Variants in LRRC4C observed in about 807,000 individuals in gnomAD.
LRRC4C encodes the protein leucine-rich repeat-containing protein 4C.
Under a neutral mutation model 33.6 loss-of-function variants are expected in LRRC4C, and 5 were observed. That is an observed-to-expected ratio of 0.15 (90% CI 0.08 to 0.31). The LOEUF is 0.31. Among genes scored for constraint, LRRC4C ranks in the 10% least tolerant of loss-of-function variants. The probability of loss-of-function intolerance (pLI) is 1.00; values close to 1 mark genes in which losing one functional copy is unlikely to be tolerated. For missense variants in LRRC4C, 560 were observed against 796.7 expected (o/e 0.70, Z 3.58); for synonymous variants, 329 against 302.0 (o/e 1.09, Z -0.93).
intron 3 of LRRC4C, among the ~76,000 whole-genome samples, chr11:40,498,038 AT>A (rs1427739717): frequency 6.6e-6 from 1 of 152,232 alleles, no homozygotes; most frequent in Non-Finnish European, 1.5e-5. Context: ...TACAAAAAAT[AT>A]TACATTTATC....
Position 40,893,722 on chromosome 11 carries a change from T to C in LRRC4C, c.-407+39913A>G, listed in dbSNP as rs912689575. On this transcript the variant is annotated intron_variant, in intron 2 of 6. Coordinates refer to ENST00000528697, the MANE Select transcript of LRRC4C (RefSeq NM_001258419.2). ...AAATTATGGTCACGGAAGAATGTCA[T>C]AGTGTTCAAAGGCTATAATATATAT... is the stretch of plus-strand genomic sequence containing the variant. Among the ~76,000 whole-genome samples the C allele has an allele frequency of 3.3e-5, 5 of 152,136 alleles. No homozygotes were observed. In the East Asian group the frequency reaches 5.8e-4, roughly 18 times the overall value.
intron 1 of LRRC4C, among the ~76,000 whole-genome samples, chr11:41,064,469 T>A (rs1938053398): frequency 6.6e-6 from 1 of 152,240 alleles, no homozygotes; most frequent in African/African-American, 2.4e-5. Context: ...GGAATACTCA[T>A]ATTTTGCAGA....
intron 1 of LRRC4C, among the ~76,000 whole-genome samples, chr11:41,326,449 A>T (rs1422496971): frequency 1.3e-5 from 2 of 152,098 alleles, no homozygotes; most frequent in African/African-American, 4.8e-5. Context: ...TGATCACGTG[A>T]GTCAATACTC....
At chr11:40,630,963 A>G (rs181573596) in intron 3 of LRRC4C, among the ~76,000 whole-genome samples, 83 of 152,306 alleles carry the variant, frequency 5.4e-4, no homozygotes, top group Middle Eastern at 3.4e-3. Context: ...ATGTAAAAGA[A>G]ATTTTATTTC....
intron 3 of LRRC4C, among the ~76,000 whole-genome samples, chr11:40,430,001 C>T (rs1950858812): frequency 1.3e-5 from 2 of 152,050 alleles, no homozygotes; most frequent in South Asian, 4.1e-4. Flanking sequence ...CAAATGGCAC[C>T]CTGCTTCATC....
rs12271851 is a variant in LRRC4C, at chr11:40,534,455, A to T, written c.-270+113687T>A. ...TATAGAGGTTAAGAATTCTGGAGTC[A>T]AATTGCAGAGTCAGAAGCCTTGTTT... On this transcript the variant is annotated intron_variant, in intron 3 of 6. Coordinates refer to ENST00000528697, the MANE Select transcript of LRRC4C (RefSeq NM_001258419.2). 2.5e-3 allele frequency among the ~76,000 whole-genome samples: 376 copies of T among 152,296 alleles called. 1 individual carries two copies. Among genetic ancestry groups the T allele is most frequent in the African/African-American group, 8.7e-3 (361 of 41,572 alleles).
chr11:41,442,451 C>CTTTTTTCTTT (rs1955652601), intron 1 of LRRC4C, among the ~76,000 whole-genome samples: 2 of 100,896 alleles, frequency 2.0e-5, no homozygotes, highest in African/African-American at 7.8e-5. Context: ...CTCTTTGTTG[C>CTTTTTTCTTT]TTTTTTCTTT....
chr11:41,039,006 A>G (rs998290), intron 1 of LRRC4C, among the ~76,000 whole-genome samples: 83,784 of 152,026 alleles, frequency 0.55, 23,659 homozygotes, highest in East Asian at 0.65. Context: ...ATTCTTTGCC[A>G]AGGCTCGATA....
chr11:41,369,647 T>C (rs1303274969), intron 1 of LRRC4C, among the ~76,000 whole-genome samples: 1 of 152,172 alleles, frequency 6.6e-6, no homozygotes, highest in Non-Finnish European at 1.5e-5. Flanking sequence ...GTTTTGAGTA[T>C]TGTTGAGAAC....
chr11:41,110,481 A>C (rs1240496732), intron 1 of LRRC4C, among the ~76,000 whole-genome samples: 1 of 152,110 alleles, frequency 6.6e-6, no homozygotes, highest in Non-Finnish European at 1.5e-5. Flanking sequence ...GAGATAATAA[A>C]TATTAGAAAT....
chr11:41,304,613 G>A (rs1409709089), intron 1 of LRRC4C, among the ~76,000 whole-genome samples: 2 of 116,544 alleles, frequency 1.7e-5, no homozygotes, highest in African/African-American at 6.6e-5. Context: ...CCCCGTCTGG[G>A]AGGGAGGTGG....
chr11:41,008,552 A>G (rs1057174175), intron 1 of LRRC4C, among the ~76,000 whole-genome samples: 3 of 152,120 alleles, frequency 2.0e-5, no homozygotes, highest in Admixed American at 6.6e-5. Flanking sequence ...CTCAGTTTTA[A>G]CTGCTGTTCT....
At chr11:40,551,625 A>T (rs1350793286) in intron 3 of LRRC4C, among the ~76,000 whole-genome samples, 2 of 151,388 alleles carry the variant, frequency 1.3e-5, no homozygotes, top group Non-Finnish European at 2.9e-5. Context: ...CCTCCACCCC[A>T]CTCCTTTTCC....
At chr11:41,061,972 A>G (rs1218817016) in intron 1 of LRRC4C, among the ~76,000 whole-genome samples, 1 of 152,204 alleles carries the variant, frequency 6.6e-6, no homozygotes, top group African/African-American at 2.4e-5. Context: ...GGCTGCTTCC[A>G]TTTGAATTGA....
intron 4 of LRRC4C, among the ~76,000 whole-genome samples, chr11:40,250,001 G>A (rs996838812): frequency 1.4e-5 from 2 of 147,104 alleles, no homozygotes; most frequent in African/African-American, 2.5e-5. Flanking sequence ...CGCATTGCAT[G>A]TTTGCAACTT....
chr11:41,436,330 A>G (rs1445228571), intron 1 of LRRC4C, among the ~76,000 whole-genome samples: 1 of 152,252 alleles, frequency 6.6e-6, no homozygotes, highest in Non-Finnish European at 1.5e-5. Context: ...TAAGATAAAC[A>G]TACACCCTTT....
At chr11:40,801,435 A>G (rs1048393620) in intron 2 of LRRC4C, among the ~76,000 whole-genome samples, 1 of 152,058 alleles carries the variant, frequency 6.6e-6, no homozygotes, top group African/African-American at 2.4e-5. Flanking sequence ...CTTTATAGCA[A>G]TTACTTCTTT....
Position 41,022,918 on chromosome 11 carries a change from C to T in LRRC4C, c.-495-89195G>A, listed in dbSNP as rs535227679. Among the ~76,000 whole-genome samples, 6 of 152,032 alleles carry T rather than the reference C, an allele frequency of 3.9e-5. No homozygotes were observed. In the East Asian group the frequency reaches 9.7e-4, roughly 25 times the overall value. Reference sequence around the variant, plus strand: ...CAGAAGACATGGATAGTCATAAATTCTCATAGGTCAGAGGTTAGTGCCAGT... The same window carrying T: ...CAGAAGACATGGATAGTCATAAATTTTCATAGGTCAGAGGTTAGTGCCAGT... On this transcript the variant is annotated intron_variant, in intron 1 of 6. Transcript: ENST00000528697.
chr11:41,288,842 G>A (rs561071600), intron 1 of LRRC4C, among the ~76,000 whole-genome samples: 2 of 152,256 alleles, frequency 1.3e-5, no homozygotes, highest in Admixed American at 6.5e-5. Context: ...ACTCATGGAA[G>A]CTTGCTTCCT....
Sources: allele counts gnomAD v4.1 joint callset (sites outside exome capture counted in the v4.1 genomes callset), GRCh38; gene constraint gnomAD v4.1.1; transcripts MANE v1.5; gene names NCBI Gene and HGNC (gene_info 2026-07-23, HGNC 2026-07-21).